The following TBC1D22A variants were observed in gnomAD, a reference collection of about 807,000 sequenced individuals.
TBC1D22A encodes the protein TBC1 domain family member 22A.
A neutral mutation model predicts 60.2 loss-of-function variants in TBC1D22A; 38 were observed. The ratio of observed to expected loss-of-function variants is 0.63; its 90% CI spans 0.49 to 0.83. The LOEUF (loss-of-function observed/expected upper bound fraction) is 0.83, where lower values mean the gene tolerates loss of function less well. Among genes scored for constraint, TBC1D22A ranks in the 40% least tolerant of loss-of-function variants. TBC1D22A has a pLI of 0.00. For synonymous variants in TBC1D22A, 302 were observed against 281.7 expected (o/e 1.07, Z -0.72); for missense variants, 628 against 701.0 (o/e 0.90, Z 1.18).
chr22:47,033,440 G>C (rs76720798), intron 10 of TBC1D22A, among the ~76,000 whole-genome samples: 2,712 of 152,272 alleles, frequency 0.018, 69 homozygotes, highest in African/African-American at 0.052. Context: ...TTTGCTCTCT[G>C]TACTCATTCG....
intron 4 of TBC1D22A, among the ~76,000 whole-genome samples, chr22:46,851,079 G>A (rs886918781): frequency 2.0e-5 from 3 of 152,108 alleles, no homozygotes; most frequent in African/African-American, 7.2e-5. Context: ...GGTAAGGGTC[G>A]CACAGGTCTG....
intron 1 of TBC1D22A, among the ~76,000 whole-genome samples, chr22:46,781,188 AGTTGCTGGTGCTGGT>A (rs374023610): frequency 7.0e-5 from 10 of 143,442 alleles, no homozygotes; most frequent in African/African-American, 2.3e-4. Context: ...GCTGGAGTGC[AGTTGCTGGTGCTGGT>A]GTTGCTGGTG....
chr22:46,913,304 T>C (rs1251493047), intron 8 of TBC1D22A: 1 of 1,360,916 alleles, frequency 7.3e-7, no homozygotes, highest in South Asian at 1.2e-5. Context: ...GACTTGGTGC[T>C]CGCCTGTTGT....
intron 11 of TBC1D22A, among the ~76,000 whole-genome samples, chr22:47,098,205 T>G (rs559833958): frequency 1.6e-4 from 24 of 152,220 alleles, no homozygotes; most frequent in African/African-American, 5.5e-4. Flanking sequence ...ACTAGAGAGA[T>G]GTGTTATTTT....
At chr22:47,150,154 A>T (rs1036226319) in intron 12 of TBC1D22A, among the ~76,000 whole-genome samples, 2 of 151,856 alleles carry the variant, frequency 1.3e-5, no homozygotes, top group African/African-American at 2.4e-5. Flanking sequence ...CCCACGCGGC[A>T]CGGGGCACAG....
At chr22:47,031,356 T>C (rs1463571867) in intron 10 of TBC1D22A, among the ~76,000 whole-genome samples, 1 of 152,218 alleles carries the variant, frequency 6.6e-6, no homozygotes, top group Non-Finnish European at 1.5e-5. Context: ...CTTGTCTTCC[T>C]TGTAGCTTTG....
At chr22:47,002,489 G>A (rs1337927262) in intron 10 of TBC1D22A, among the ~76,000 whole-genome samples, 4 of 152,196 alleles carry the variant, frequency 2.6e-5, no homozygotes, top group East Asian at 1.9e-4. Context: ...TGAGATATTT[G>A]CTACATTTTT....
intron 8 of TBC1D22A, among the ~76,000 whole-genome samples, chr22:46,941,146 C>G (rs71313074): frequency 0.18 from 19,881 of 110,468 alleles, 2,168 homozygotes; most frequent in Non-Finnish European, 0.24. Context: ...CACACACACA[C>G]AGTCCACCCT....
intron 4 of TBC1D22A, among the ~76,000 whole-genome samples, chr22:46,840,975 G>A (rs1049012498): frequency 4.6e-5 from 7 of 151,750 alleles, no homozygotes; most frequent in Non-Finnish European, 8.8e-5. Context: ...GTTCATTGCA[G>A]CATTATTCTC....
At chr22:46,963,222 CAAA>C (rs136098) in intron 8 of TBC1D22A, among the ~76,000 whole-genome samples, 19 of 104,848 alleles carry the variant, frequency 1.8e-4, no homozygotes, top group Admixed American at 2.0e-4. Context: ...GACTCCGTCT[CAAA>C]AAAAAAAAAA....
intron 1 of TBC1D22A, chr22:46,773,978 C>T: frequency 2.0e-6 from 2 of 985,542 alleles, no homozygotes; most frequent in Non-Finnish European, 2.4e-6. Context: ...CCTCCATTCC[C>T]TAGGGGACTT....
At chr22:46,920,598 T>C (rs2147838067) in intron 8 of TBC1D22A, among the ~76,000 whole-genome samples, 1 of 152,334 alleles carries the variant, frequency 6.6e-6, no homozygotes, top group East Asian at 1.9e-4. Flanking sequence ...ATCTGGGGAC[T>C]GTGTCGCATG....
intron 11 of TBC1D22A, among the ~76,000 whole-genome samples, chr22:47,105,931 T>C (rs2065619038): frequency 6.6e-6 from 1 of 152,226 alleles, no homozygotes; most frequent in Non-Finnish European, 1.5e-5. Context: ...ATCTGCGACA[T>C]GCTATAAAAA....
chr22:47,114,257 G>A (rs1309711245), intron 12 of TBC1D22A, among the ~76,000 whole-genome samples: 1 of 151,972 alleles, frequency 6.6e-6, no homozygotes, highest in East Asian at 1.9e-4. Flanking sequence ...GGGGTGTGGG[G>A]TGTGGGGTGT....
In TBC1D22A at chr22:47,060,238, C is replaced by CT. The variant is rs3884803; in HGVS notation, c.1329+23061dup. On this transcript the variant is annotated intron_variant, in intron 11 of 12. Coordinates refer to ENST00000337137, the MANE Select transcript of TBC1D22A (RefSeq NM_014346.5). ...TGCGGCCCCTGCTAAGGGTTTCTGA[C>CT]TTTTTTTTTTTTTTTTTTTTTGAGA... Among the ~76,000 whole-genome samples the CT allele has an allele frequency of 6.3e-3, 704 of 111,630 alleles. 6 individuals are homozygous for CT. The highest frequency in any genetic ancestry group is 0.013 in the African/African-American group (367 of 27,676). The allele number at this position is 111,630 out of a possible 152,430, so 73.2% of individuals were successfully genotyped here.
At chr22:46,818,778 A>C (rs906019525) in intron 4 of TBC1D22A, among the ~76,000 whole-genome samples, 1 of 152,172 alleles carries the variant, frequency 6.6e-6, no homozygotes, top group Admixed American at 6.5e-5. Flanking sequence ...GAAGAATGTC[A>C]ATGGTAGTTT....
chr22:47,068,679 G>A (rs971715773), intron 11 of TBC1D22A, among the ~76,000 whole-genome samples: 5 of 152,204 alleles, frequency 3.3e-5, no homozygotes, highest in African/African-American at 1.2e-4. Flanking sequence ...ATGAATATCT[G>A]TGGAAATGGA....
chr22:46,951,234 A>G (rs1311001092), intron 8 of TBC1D22A, among the ~76,000 whole-genome samples: 1 of 152,180 alleles, frequency 6.6e-6, no homozygotes, highest in Non-Finnish European at 1.5e-5. Context: ...CACAAAGTAC[A>G]TGTGTATTAT....
chr22:46,863,560 C>T (rs1419082200), intron 4 of TBC1D22A, among the ~76,000 whole-genome samples: 5 of 152,184 alleles, frequency 3.3e-5, no homozygotes, highest in Admixed American at 2.6e-4. Flanking sequence ...AACTAGTCAC[C>T]TCTAGTATTT....
Sources: allele counts gnomAD v4.1 joint callset (sites outside exome capture counted in the v4.1 genomes callset), GRCh38; gene constraint gnomAD v4.1.1; transcripts MANE v1.5; gene names NCBI Gene and HGNC (gene_info 2026-07-23, HGNC 2026-07-21).